PRIM1: variants seen among roughly 807,000 people sequenced by gnomAD.
PRIM1 encodes DNA primase subunit 1, also known as DNA primase small subunit.
In PRIM1, 38 loss-of-function variants were observed where a neutral mutation model predicts 60.2. The ratio of observed to expected loss-of-function variants is 0.63; its 90% confidence interval spans 0.49 to 0.83. PRIM1 has a LOEUF of 0.83. Among genes scored for constraint, PRIM1 ranks in the 40% least tolerant of loss-of-function variants. The pLI is 0.00. For missense variants in PRIM1, 388 were observed against 506.2 expected (o/e 0.77, Z 2.24); for synonymous variants, 158 against 160.2 (o/e 0.99, Z 0.10).
At chr12:56,747,251 T>C (rs896786724) in intron 2 of PRIM1, among the ~76,000 whole-genome samples, 1 of 152,210 alleles carries the variant, frequency 6.6e-6, no homozygotes, top group African/African-American at 2.4e-5. Context: ...TGAATACATA[T>C]CCATCATAAA....
At chr12:56,749,864 A>C (rs1953933973) in intron 2 of PRIM1, among the ~76,000 whole-genome samples, 1 of 152,240 alleles carries the variant, frequency 6.6e-6, no homozygotes, top group Non-Finnish European at 1.5e-5. Context: ...GAGAAGGGGA[A>C]GAAGGGCAAT....
chr12:56,744,785 A>T (rs189037599), intron 5 of PRIM1, among the ~76,000 whole-genome samples: 2 of 152,214 alleles, frequency 1.3e-5, no homozygotes, highest in Admixed American at 6.5e-5. Flanking sequence ...TAAGTGATGC[A>T]TAATTATAAT....
At chr12:56,745,731 G>A (rs191553568) in intron 5 of PRIM1, among the ~76,000 whole-genome samples, 56 of 152,206 alleles carry the variant, frequency 3.7e-4, no homozygotes, top group Non-Finnish European at 1.6e-4. Flanking sequence ...CTGAGGCTAG[G>A]AGTTCTAGGC....
At chr12:56,735,091 G>A (rs1953816577) in intron 11 of PRIM1, among the ~76,000 whole-genome samples, 2 of 151,686 alleles carry the variant, frequency 1.3e-5, no homozygotes, top group South Asian at 2.1e-4. Flanking sequence ...GATTACAGGC[G>A]TGAGCCACCG....
At chr12:56,742,493 C>T (rs751198953) in intron 7 of PRIM1, among the ~76,000 whole-genome samples, 4 of 151,692 alleles carry the variant, frequency 2.6e-5, no homozygotes, top group East Asian at 1.9e-4. Flanking sequence ...TGTTTGAACC[C>T]GGGAGGCGGA....
chr12:56,733,542 A>G (rs1271849509), intron 12 of PRIM1, among the ~76,000 whole-genome samples: 1 of 151,894 alleles, frequency 6.6e-6, no homozygotes, highest in Non-Finnish European at 1.5e-5. Context: ...TCCATCAGAT[A>G]AAATCTCTTT....
intron 10 of PRIM1, 134 bp downstream of exon 10, chr12:56,739,160 T>G (rs1289596218): frequency 8.6e-6 from 5 of 578,344 alleles, no homozygotes; most frequent in Admixed American, 7.2e-5. Flanking sequence ...TCATCTAACC[T>G]TTGAACCTTA....
chr12:56,734,511 C>T (rs532113483), intron 11 of PRIM1, among the ~76,000 whole-genome samples: 38 of 151,856 alleles, frequency 2.5e-4, no homozygotes, highest in African/African-American at 8.0e-4. Flanking sequence ...GGGATCTTCC[C>T]ATCTCTGCTT....
intron 9 of PRIM1, among the ~76,000 whole-genome samples, chr12:56,740,765 T>A (rs953557611): frequency 2.6e-5 from 4 of 151,524 alleles, no homozygotes; most frequent in Admixed American, 2.0e-4. Flanking sequence ...TCGAAAAAAA[T>A]TTTTTTTTGT....
intron 3 of PRIM1, 22 bp downstream of exon 3, chr12:56,746,904 C>T: frequency 6.2e-7 from 1 of 1,612,662 alleles, no homozygotes; most frequent in African/African-American, 1.3e-5. Context: ...CCCACCCTAA[C>T]AGCAAGACAC....
intron 1 of PRIM1, chr12:56,751,769 T>G (rs1953964878): frequency 6.5e-6 from 1 of 153,832 alleles, no homozygotes; most frequent in African/African-American, 2.4e-5. Flanking sequence ...GCCACCCCTC[T>G]CTCCTCGATT....
chr12:56,731,666 C>T lies in PRIM1; in HGVS notation c.*49G>A. 1.4e-6 allele frequency: 2 copies of T among 1,463,146 alleles called. No homozygotes were observed. Among genetic ancestry groups the T allele is most frequent in the South Asian group, 2.5e-5 (2 of 78,604 alleles). 90.6% of individuals were successfully genotyped at this position (1,463,146 alleles called of 1,614,324 possible). On this transcript the variant is annotated 3_prime_UTR_variant, in exon 13 of 13. Transcript: ENST00000338193. Reference sequence around the variant, plus strand: ...TTAAATGGCTCTTGAAGTATTTGATCTGTGGTTGAAGGCAGAAGATATCCA... The same window carrying T: ...TTAAATGGCTCTTGAAGTATTTGATTTGTGGTTGAAGGCAGAAGATATCCA...
Position 56,734,230 on chromosome 12 carries a change from C to T in PRIM1, c.1160G>A (p.Ser387Asn). 6.3e-7 allele frequency: 1 copy of T among 1,589,382 alleles called. No homozygotes were observed. Among genetic ancestry groups the T allele is most frequent in the Non-Finnish European group, 8.6e-7 (1 of 1,162,722 alleles). ...KHRTRDYKKT[S>N]LAPYVKVFEH... Reference sequence around the variant, plus strand: ...AAAAACTTTCACATAAGGTGCTAGACTGGTCTTCTTATAATCTAAATTATG... The same window carrying T: ...AAAAACTTTCACATAAGGTGCTAGATTGGTCTTCTTATAATCTAAATTATG... Residue 387 changes from serine (S) to asparagine (N), a missense_variant, in exon 12 of 13, where the codon AGT becomes AAT. Ser to Asn is a conservative substitution (Grantham distance 46). Around this residue, in one of 3 missense-constraint regions of PRIM1, gnomAD observed 211 missense variants for 277.9 expected, o/e 0.76. Transcript: ENST00000338193.
chr12:56,732,557 T>C (rs1953791644), intron 12 of PRIM1, among the ~76,000 whole-genome samples: 1 of 152,138 alleles, frequency 6.6e-6, no homozygotes, highest in Non-Finnish European at 1.5e-5. Context: ...TTTTAAAAGC[T>C]TCCTATTAAG....
At chr12:56,731,927 G>C (rs902712786) in intron 12 of PRIM1, among the ~76,000 whole-genome samples, 193 bp from the exon 13 acceptor site, 2 of 152,234 alleles carry the variant, frequency 1.3e-5, no homozygotes, top group South Asian at 2.1e-4. Flanking sequence ...GACTTAATAC[G>C]GCCAGTTGCA....
intron 4 of PRIM1, 165 bp from the exon 5 acceptor site, chr12:56,746,346 T>G (rs1953906727): frequency 1.1e-6 from 1 of 921,128 alleles, no homozygotes; most frequent in Non-Finnish European, 1.7e-6. Flanking sequence ...AAAACTATTT[T>G]ATTAGGCCAG....
intron 5 of PRIM1, among the ~76,000 whole-genome samples, chr12:56,744,579 C>T (rs1218703378): frequency 2.6e-5 from 4 of 151,824 alleles, no homozygotes; most frequent in Non-Finnish European, 5.9e-5. Context: ...GTATGTTTAG[C>T]TACATCAGTA....
rs915174232 is a variant in PRIM1, at chr12:56,742,865, T to C, written c.748+122A>G. 1.1e-5 allele frequency: 8 copies of C among 710,368 alleles called. No homozygotes were observed. The African/African-American group carries it at 1.1e-4, about 10-fold the overall frequency. The allele number at this position is 710,368 out of a possible 1,614,324, so 44.0% of individuals were successfully genotyped here. A position where few individuals can be genotyped will look rare whatever the true frequency, so the allele number is the denominator to read the frequency against. On this transcript the variant is annotated intron_variant, in intron 7 of 12. Coordinates refer to ENST00000338193, the MANE Select transcript of PRIM1 (RefSeq NM_000946.3). Reference sequence around the variant, plus strand: ...CTAAAATCCAGAAATACAGGAGATATTTTGTGTAAAAAAGATTAAACTTAT... The same window carrying C: ...CTAAAATCCAGAAATACAGGAGATACTTTGTGTAAAAAAGATTAAACTTAT...
At chr12:56,732,010 T>G (rs1200468880) in intron 12 of PRIM1, among the ~76,000 whole-genome samples, 1 of 152,214 alleles carries the variant, frequency 6.6e-6, no homozygotes, top group Non-Finnish European at 1.5e-5. Context: ...GAGTGTCTAC[T>G]GAGTAGAGCA....
Sources: allele counts gnomAD v4.1 joint callset (sites outside exome capture counted in the v4.1 genomes callset), GRCh38; gene constraint gnomAD v4.1.1; regional missense constraint gnomAD v4.1.1; transcripts MANE v1.5; gene names NCBI Gene and HGNC (gene_info 2026-07-23, HGNC 2026-07-21).